ABTB3: variants seen among roughly 807,000 people sequenced by gnomAD.
ABTB3 encodes the protein ankyrin repeat- and BTB/POZ domain-containing protein 3.
the ABTB3 span, among the ~76,000 whole-genome samples, chr12:107,393,117 G>A: frequency 1.6e-4 from 25 of 152,184 alleles, no homozygotes; most frequent in Admixed American, 2.0e-4. Flanking sequence ...TGATTTATAC[G>A]TAGGTGACTC....
the ABTB3 span, chr12:107,319,433 G>T: frequency 6.2e-7 from 1 of 1,607,046 alleles, no homozygotes; most frequent in Non-Finnish European, 8.5e-7. Flanking sequence ...GATCCAGAGC[G>T]CCATGGAGAT....
the ABTB3 span, among the ~76,000 whole-genome samples, chr12:107,337,352 C>T: frequency 6.6e-6 from 1 of 152,244 alleles, no homozygotes; most frequent in Non-Finnish European, 1.5e-5. Context: ...ATCGGGATCT[C>T]AGCCCTCTGA....
chr12:107,581,131 G>A, the ABTB3 span: 1 of 1,546,248 alleles, frequency 6.5e-7, no homozygotes, highest in Non-Finnish European at 8.7e-7. Context: ...GCGCGTCTCC[G>A]GGTCCCTCCT....
the ABTB3 span, among the ~76,000 whole-genome samples, chr12:107,413,885 G>A: frequency 2.6e-5 from 4 of 152,206 alleles, no homozygotes; most frequent in Non-Finnish European, 4.4e-5. Flanking sequence ...AGCTAAATTG[G>A]CTTTTTAAAT....
At chr12:107,596,581 C>G in the ABTB3 span, among the ~76,000 whole-genome samples, 8 of 152,282 alleles carry the variant, frequency 5.3e-5, no homozygotes, top group East Asian at 1.2e-3. Context: ...CACTACCACA[C>G]TCTAGCCTGG....
chr12:107,353,896 C>A, the ABTB3 span, among the ~76,000 whole-genome samples: 2 of 152,212 alleles, frequency 1.3e-5, no homozygotes, highest in East Asian at 1.9e-4. Context: ...TCCCCCACCT[C>A]CCCTCGTCCA....
At chr12:107,361,552 T>A in the ABTB3 span, among the ~76,000 whole-genome samples, 3 of 152,224 alleles carry the variant, frequency 2.0e-5, no homozygotes, top group Non-Finnish European at 4.4e-5. Flanking sequence ...AATTCCTAAA[T>A]GTGGAATTGC....
the ABTB3 span, among the ~76,000 whole-genome samples, chr12:107,647,913 C>T: frequency 5.2e-3 from 789 of 152,294 alleles, 7 homozygotes; most frequent in African/African-American, 0.016. Context: ...GCTTATTGTA[C>T]TTAGTGTCCT....
chr12:107,615,696 C>T, the ABTB3 span, among the ~76,000 whole-genome samples: 1 of 152,210 alleles, frequency 6.6e-6, no homozygotes, highest in Admixed American at 6.5e-5. Context: ...TCTGAAACAG[C>T]TCCAAGCACA....
chr12:107,410,297 G>A, the ABTB3 span, among the ~76,000 whole-genome samples: 1 of 151,052 alleles, frequency 6.6e-6, no homozygotes, highest in East Asian at 2.0e-4. Context: ...AGAGGAAAAA[G>A]TACAAGGTGC....
chr12:107,501,912 G>A, the ABTB3 span, among the ~76,000 whole-genome samples: 1 of 152,092 alleles, frequency 6.6e-6, no homozygotes, highest in African/African-American at 2.4e-5. Context: ...GAGGGGAAGC[G>A]ATGGGGCAGA....
the ABTB3 span, among the ~76,000 whole-genome samples, chr12:107,391,369 C>A: frequency 6.6e-6 from 1 of 152,098 alleles, no homozygotes; most frequent in African/African-American, 2.4e-5. Flanking sequence ...CAGGCCGGAC[C>A]ACCTCTTGTA....
chr12:107,512,523 A>C, the ABTB3 span, among the ~76,000 whole-genome samples: 4 of 152,218 alleles, frequency 2.6e-5, no homozygotes, highest in Admixed American at 1.3e-4. Context: ...ATGCCAGGGA[A>C]AACATCTCAC....
At chr12:107,425,464 A>G in the ABTB3 span, among the ~76,000 whole-genome samples, 1 of 152,218 alleles carries the variant, frequency 6.6e-6, no homozygotes, top group African/African-American at 2.4e-5. Flanking sequence ...GTACTAAACT[A>G]GACTGTTCAC....
At chr12:107,420,954 G>A in the ABTB3 span, among the ~76,000 whole-genome samples, 2 of 152,140 alleles carry the variant, frequency 1.3e-5, no homozygotes, top group East Asian at 3.9e-4. Context: ...CTATTCAGCT[G>A]ACACAAGCCT....
the ABTB3 span, among the ~76,000 whole-genome samples, chr12:107,360,845 C>T: frequency 6.6e-6 from 1 of 152,058 alleles, no homozygotes; most frequent in South Asian, 2.1e-4. Flanking sequence ...CTTCCACCTC[C>T]CAGGTTCAAG....
the ABTB3 span, among the ~76,000 whole-genome samples, chr12:107,610,678 T>A: frequency 6.6e-6 from 1 of 152,196 alleles, no homozygotes; most frequent in South Asian, 2.1e-4. Flanking sequence ...TTCAAGTCCT[T>A]CTTCCATCGT....
chr12:107,427,503 C>T, the ABTB3 span, among the ~76,000 whole-genome samples: 6 of 152,110 alleles, frequency 3.9e-5, no homozygotes, highest in South Asian at 4.2e-4. Context: ...TCTACCACCT[C>T]CCAAAGTACT....
chr12:107,384,330 G>A, the ABTB3 span, among the ~76,000 whole-genome samples: 26 of 152,258 alleles, frequency 1.7e-4, no homozygotes, highest in Middle Eastern at 3.4e-3. Flanking sequence ...CAACAATGTC[G>A]TTAACCAGTA....
Sources: gnomAD v4.1 joint callset for allele counts (sites outside exome capture counted in the v4.1 genomes callset) on GRCh38, gnomAD v4.1.1 for gene constraint, MANE v1.5 for transcripts, NCBI Gene and HGNC (gene_info 2026-07-23, HGNC 2026-07-21) for gene names.